The following ARHGEF16 variants were observed in gnomAD, a reference collection of about 807,000 sequenced individuals.
ARHGEF16 encodes the protein Rho guanine exchange factor (GEF) 16.
In ARHGEF16, 59 loss-of-function variants were observed where a neutral mutation model predicts 74.1. The observed-to-expected ratio is 0.80, with a 90% confidence interval of 0.65 to 0.99. ARHGEF16 has a LOEUF of 0.99. Ranked by LOEUF, ARHGEF16 falls within the 50% of genes least tolerant of loss-of-function variation. The pLI is 0.00. For synonymous variants in ARHGEF16, 415 were observed against 412.6 expected (o/e 1.01, Z -0.07); for missense variants, 948 against 986.6 (o/e 0.96, Z 0.52).
intron 8 of ARHGEF16, chr1:3,474,328 C>T (rs1557696213): frequency 7.2e-6 from 2 of 278,852 alleles, no homozygotes; most frequent in Admixed American, 4.5e-5. Flanking sequence ...GCTAAGCTTC[C>T]TGAGGCTACA....
rs201252576 is a variant in ARHGEF16, at chr1:3,478,451, C to T, written c.1653C>T (p.Tyr551=). 87 of 1,610,988 alleles carry T rather than the reference C, an allele frequency of 5.4e-5. No individual in the cohort carries two copies. The highest frequency in any genetic ancestry group is 6.7e-5 in the Non-Finnish European group (79 of 1,178,956). ...AGGAGAGCTACATGGTCCAGGACTA[C>T]GCCCAGATGAACCACATCCAGGTGG... ...KSEESYMVQD[Y]AQMNHIQVEK... is the part of the protein sequence containing the mutation. Residue 551 remains tyrosine, a synonymous_variant, in exon 12 of 15, where the codon TAC becomes TAT. Coordinates refer to ENST00000378378, the MANE Select transcript of ARHGEF16 (RefSeq NM_014448.4).
chr1:3,475,884 C>A (rs978782836), intron 9 of ARHGEF16, 86 bp from the exon 10 acceptor site: 1 of 1,349,506 alleles, frequency 7.4e-7, no homozygotes, highest in Non-Finnish European at 1.0e-6. Context: ...GCTGGCTGGG[C>A]AGGTGTCCTG....
chr1:3,462,858 C>T (rs922566905), intron 1 of ARHGEF16, among the ~76,000 whole-genome samples: 5 of 152,238 alleles, frequency 3.3e-5, no homozygotes, highest in African/African-American at 9.6e-5. Flanking sequence ...GTCCAGCCTC[C>T]GGCCTCAGAC....
Position 3,479,511 on chromosome 1 carries a change from C to G in ARHGEF16, c.1815-6C>G, listed in dbSNP as rs1262158840. 1.9e-6 allele frequency: 3 copies of G among 1,612,432 alleles called. No homozygotes were observed. Among genetic ancestry groups the G allele is most frequent in the Non-Finnish European group, 2.5e-6 (3 of 1,179,802 alleles). ...AGGCCTGGCTCATGCTGTCTCTGGT[C>G]CCCAGGAGTGACCGGGCACGGTGGA... On this transcript the variant is annotated splice_region_variant and splice_polypyrimidine_tract_variant and intron_variant, in intron 12 of 14. Coordinates refer to ENST00000378378, the MANE Select transcript of ARHGEF16 (RefSeq NM_014448.4).
chr1:3,460,647 C>T (rs932034992), intron 1 of ARHGEF16, among the ~76,000 whole-genome samples: 1 of 152,142 alleles, frequency 6.6e-6, no homozygotes, highest in Non-Finnish European at 1.5e-5. Context: ...ATGGATTTCT[C>T]GGCCGGGCCT....
In ARHGEF16 at chr1:3,474,217, A is replaced by G. The variant is rs74520808; in HGVS notation, c.1306-491A>G. The stretch of plus-strand genomic sequence containing the variant: ...GCACACACATGCACCCGGTGCACAC[A>G]CATACACGTGGATGCACACACATGC... On this transcript the variant is annotated intron_variant, in intron 8 of 14. Coordinates refer to ENST00000378378, the MANE Select transcript of ARHGEF16 (RefSeq NM_014448.4). The G allele has an allele frequency of 6.6e-3, 1,343 of 202,532 alleles. 59 individuals carry two copies. The East Asian group carries it at 0.12, about 18-fold the overall frequency. 12.5% of individuals were successfully genotyped at this position (202,532 alleles called of 1,614,324 possible). A position where few individuals can be genotyped will look rare whatever the true frequency, so the allele number is the denominator to read the frequency against.
Position 3,466,120 on chromosome 1 carries a change from GCGGTTTCTGTGTCTCT to G in ARHGEF16, c.589-26_589-11del, listed in dbSNP as rs1277529542. 1.3e-6 allele frequency: 2 copies of G among 1,548,324 alleles called. No homozygotes were observed. Among genetic ancestry groups the G allele is most frequent in the Non-Finnish European group, 1.7e-6 (2 of 1,145,984 alleles). ...GCAACACCTGCCCCGGCTGACAGCTGCGGTTTCTGTGTCTCTCTTTTGTGCAGAAGACGCTGGGGAG... is the reference window on the plus strand; with the variant it reads ...GCAACACCTGCCCCGGCTGACAGCTGCTTTTGTGCAGAAGACGCTGGGGAG... On this transcript the variant is annotated splice_polypyrimidine_tract_variant and intron_variant, in intron 2 of 14. Transcript: ENST00000378378.
At chr1:3,464,573 G>T (rs927278541) in intron 2 of ARHGEF16, among the ~76,000 whole-genome samples, 1 of 152,204 alleles carries the variant, frequency 6.6e-6, no homozygotes, top group African/African-American at 2.4e-5. Context: ...CAGAGCAGAT[G>T]CAGGGCTGGC....
chr1:3,480,392 G>A (rs1318692411), intron 14 of ARHGEF16, 56 bp from the exon 15 acceptor site: 2 of 1,602,260 alleles, frequency 1.2e-6, no homozygotes, highest in Middle Eastern at 1.7e-4. Context: ...AGCTCAGAGG[G>A]GCCGGGGGAC....
chr1:3,477,501 G>T (rs912256826), intron 10 of ARHGEF16, among the ~76,000 whole-genome samples: 9 of 149,930 alleles, frequency 6.0e-5, no homozygotes, highest in African/African-American at 2.2e-4. Flanking sequence ...CTCCCTCGGG[G>T]CTGAGCAGGT....
Position 3,469,538 on chromosome 1 carries a change from A to T in ARHGEF16, c.967A>T (p.Met323Leu). The T allele has an allele frequency of 6.2e-7, 1 of 1,613,070 alleles. No individual in the cohort carries two copies. Among genetic ancestry groups the T allele is most frequent in the Non-Finnish European group, 8.5e-7 (1 of 1,179,964 alleles). ...SKELRATVTQ[M>L]EHHHLFSNIL... is the part of the protein sequence containing the mutation. ...GGAGCTGCGGGCGACCGTGACCCAG[A>T]TGGAGCACCACCACCTCTTCTCCAA... is the stretch of plus-strand genomic sequence containing the variant. The change falls in exon 6 of 15, where the codon ATG becomes TTG. Residue 323 changes from methionine to leucine, a missense_variant. Met to Leu is a conservative substitution (Grantham distance 15, BLOSUM62 2). Coordinates refer to ENST00000378378, the MANE Select transcript of ARHGEF16 (RefSeq NM_014448.4).
In ARHGEF16 at chr1:3,459,198, C is replaced by T. The variant is rs185170463; in HGVS notation, c.-19-3868C>T. Among the ~76,000 whole-genome samples, 52 of 152,256 alleles carry T rather than the reference C, an allele frequency of 3.4e-4. 1 individual carries two copies. In the South Asian group the frequency reaches 8.5e-3, roughly 25 times the overall value. ...CCCAGGCTGGCTCAGTGAACGAACA[C>T]GGACCCTACCGAGGCACATCAGCAA... On this transcript the variant is annotated intron_variant, in intron 1 of 14. Transcript: ENST00000378378.
intron 6 of ARHGEF16, among the ~76,000 whole-genome samples, chr1:3,471,448 C>A (rs376070041): frequency 6.6e-6 from 1 of 152,098 alleles, no homozygotes; most frequent in Non-Finnish European, 1.5e-5. Flanking sequence ...GGCAGGGAGC[C>A]GCCTTGTCCC....
intron 14 of ARHGEF16, 92 bp downstream of exon 14, chr1:3,480,005 C>A: frequency 1.6e-6 from 2 of 1,286,950 alleles, no homozygotes; most frequent in Non-Finnish European, 2.2e-6. Context: ...GCATGCCGGG[C>A]TGCAGGCTGA....
chr1:3,459,591 G>T (rs1270099387), intron 1 of ARHGEF16, among the ~76,000 whole-genome samples: 1 of 152,174 alleles, frequency 6.6e-6, no homozygotes, highest in Non-Finnish European at 1.5e-5. Context: ...GTGAGGCCCA[G>T]AGCACTGGGC....
rs565311600 is a variant in ARHGEF16 at position 3,469,573 on chromosome 1, T to C, written c.1002T>C (p.Asp334=). 8 of 1,612,968 alleles carry C rather than the reference T, an allele frequency of 5.0e-6. No homozygotes were observed. In the African/African-American group the frequency reaches 9.3e-5, roughly 19 times the overall value. The change falls in exon 6 of 15, where the codon GAT becomes GAC. Residue 334 remains aspartate (D), a synonymous_variant. Coordinates refer to ENST00000378378, the MANE Select transcript of ARHGEF16 (RefSeq NM_014448.4). ...ACCACCTCTTCTCCAACATCCTGGA[T>C]GTCCTGGGTGCCAGTCAGAGGTGAG... The part of the protein sequence containing the change: ...EHHHLFSNIL[D]VLGASQRFFE...
rs548969358 is a variant in ARHGEF16 at position 3,463,960 on chromosome 1, C to G, written c.588+288C>G. Among the ~76,000 whole-genome samples the G allele has an allele frequency of 8.2e-3, 1,253 of 152,318 alleles. 21 individuals carry two copies. Among genetic ancestry groups the G allele is most frequent in the African/African-American group, 0.029 (1,202 of 41,564 alleles). ...GGTGGAGGGCAGATCCCTGGAAGGGCCCAGTCCCTGTTTCCGAGCTCTGGA... is the reference window on the plus strand; with the variant it reads ...GGTGGAGGGCAGATCCCTGGAAGGGGCCAGTCCCTGTTTCCGAGCTCTGGA... On this transcript the variant is annotated intron_variant, in intron 2 of 14. Coordinates refer to ENST00000378378, the MANE Select transcript of ARHGEF16 (RefSeq NM_014448.4).
chr1:3,458,201 G>A (rs1023971160), intron 1 of ARHGEF16, among the ~76,000 whole-genome samples: 5 of 152,228 alleles, frequency 3.3e-5, no homozygotes, highest in Non-Finnish European at 5.9e-5. Context: ...TCCCTGCCCC[G>A]CAAGGGCTCA....
chr1:3,460,795 A>G (rs1639375271), intron 1 of ARHGEF16, among the ~76,000 whole-genome samples: 1 of 152,126 alleles, frequency 6.6e-6, no homozygotes, highest in South Asian at 2.1e-4. Context: ...GTGATTTGGA[A>G]TGTCCTGAGG....
Sources: gnomAD v4.1 joint callset for allele counts (sites outside exome capture counted in the v4.1 genomes callset) on GRCh38, gnomAD v4.1.1 for gene constraint, MANE v1.5 for transcripts, NCBI Gene and HGNC (gene_info 2026-07-23, HGNC 2026-07-21) for gene names.